RBM47: variants seen among roughly 807,000 people sequenced by gnomAD.
The protein encoded by RBM47 is RNA-binding protein 47.
RBM47 carries 21 observed loss-of-function variants against 47.1 expected under a neutral mutation model. That is an observed-to-expected ratio of 0.45 (90% CI 0.32 to 0.64). The LOEUF (loss-of-function observed/expected upper bound fraction) is 0.64, where lower values mean the gene tolerates loss of function less well. RBM47 is among the 30% of genes least tolerant of loss of function. RBM47 has a pLI of 0.05. For synonymous variants in RBM47, 375 were observed against 361.7 expected, an observed-to-expected ratio of 1.04 and a Z score of -0.42; for missense variants, 708 against 870.9, an observed-to-expected ratio of 0.81 and a Z score of 2.35.
intron 1 of RBM47, among the ~76,000 whole-genome samples, chr4:40,625,548 A>T (rs1737663611): frequency 6.6e-6 from 1 of 152,084 alleles, no homozygotes; most frequent in Admixed American, 6.6e-5. Flanking sequence ...GCTCACCCAC[A>T]TGTGGATTAT....
At position 40,459,359 on chromosome 4, in the gene RBM47, C is replaced by G. The variant is rs1260535787; in HGVS notation, c.-32+7218G>C. On this transcript the variant is annotated intron_variant, in intron 3 of 6. Transcript: ENST00000295971. ...AAAAAGAGTTTCCTTTTATAACTAACATCCACCAAATTGCTTTGGACATTT... is the reference window on the plus strand; with the variant it reads ...AAAAAGAGTTTCCTTTTATAACTAAGATCCACCAAATTGCTTTGGACATTT... Among the ~76,000 whole-genome samples, 3 of 152,166 alleles carry G rather than the reference C, an allele frequency of 2.0e-5. No individual in the cohort carries two copies. In the East Asian group the frequency reaches 5.8e-4, roughly 29 times the overall value.
chr4:40,570,190 T>A (rs1731575305), intron 1 of RBM47, among the ~76,000 whole-genome samples: 1 of 151,858 alleles, frequency 6.6e-6, no homozygotes, highest in Non-Finnish European at 1.5e-5. Flanking sequence ...GGAGAAGTGA[T>A]GGTTTGGGGA....
At chr4:40,505,032 T>C (rs2154251351) in intron 2 of RBM47, among the ~76,000 whole-genome samples, 1 of 152,324 alleles carries the variant, frequency 6.6e-6, no homozygotes, top group South Asian at 2.1e-4. Context: ...CTTTAAAAGA[T>C]GCTGGGCTAT....
chr4:40,428,199 A>C (rs1715346308), intron 6 of RBM47, among the ~76,000 whole-genome samples: 1 of 83,534 alleles, frequency 1.2e-5, no homozygotes, highest in Non-Finnish European at 3.2e-5. Context: ...GTCTCAAACA[A>C]AACAAAACAA....
At position 40,507,031 on chromosome 4, in the gene RBM47, G is replaced by A. The variant is rs1411440125; in HGVS notation, c.-155+37391C>T. ...GAGTGCAGTGGTGCGATCTTGGCTC[G>A]CTGCAACCTCCAGCTCCCGGGTTCA... On this transcript the variant is annotated intron_variant, in intron 2 of 6. Transcript: ENST00000295971. Among the ~76,000 whole-genome samples the A allele has an allele frequency of 3.3e-5, 5 of 152,044 alleles. No individual in the cohort carries two copies. In the East Asian group the frequency reaches 7.7e-4, roughly 23 times the overall value.
intron 2 of RBM47, among the ~76,000 whole-genome samples, chr4:40,510,435 G>A (rs1724773049): frequency 1.3e-5 from 2 of 152,080 alleles, no homozygotes; most frequent in Admixed American, 1.3e-4. Flanking sequence ...AAGAGCTAGA[G>A]ATACAGTAGC....
chr4:40,509,815 G>A (rs570778121), intron 2 of RBM47, among the ~76,000 whole-genome samples: 27 of 152,130 alleles, frequency 1.8e-4, no homozygotes, highest in African/African-American at 4.6e-4. Context: ...CCCGGGAGGC[G>A]GAGCTTGCAG....
At position 40,610,304 on chromosome 4, in the gene RBM47, T is replaced by A. The variant is rs1049391014; in HGVS notation, c.-240+19092A>T. On this transcript the variant is annotated intron_variant, in intron 1 of 6. Coordinates refer to ENST00000295971, the MANE Select transcript of RBM47 (RefSeq NM_001098634.2). ...AGTTTTCTTATGCAGATTCAATGAG[T>A]TCATCTTCGTAAAGTGTTTAGAACG... Among the ~76,000 whole-genome samples, 5 of 151,734 alleles carry A rather than the reference T, an allele frequency of 3.3e-5. No homozygotes were observed. In the East Asian group the frequency reaches 9.8e-4, roughly 30 times the overall value.
chr4:40,449,299 G>A (rs1228344877), intron 3 of RBM47, among the ~76,000 whole-genome samples: 3 of 152,096 alleles, frequency 2.0e-5, no homozygotes, highest in African/African-American at 7.2e-5. Flanking sequence ...CCTTTCTTTA[G>A]GTAAAATCCT....
chr4:40,594,035 G>A (rs913689083), intron 1 of RBM47, among the ~76,000 whole-genome samples: 6 of 152,002 alleles, frequency 3.9e-5, no homozygotes, highest in Non-Finnish European at 1.5e-5. Flanking sequence ...CTGGGAAACA[G>A]AGCAAGACCC....
At chr4:40,478,633 AAG>A (rs1276320814) in intron 2 of RBM47, among the ~76,000 whole-genome samples, 1 of 152,154 alleles carries the variant, frequency 6.6e-6, no homozygotes, top group African/African-American at 2.4e-5. Flanking sequence ...GCATCCTGGT[AAG>A]AGAGTTATTA....
At chr4:40,604,950 C>T (rs1735629356) in intron 1 of RBM47, among the ~76,000 whole-genome samples, 1 of 151,766 alleles carries the variant, frequency 6.6e-6, no homozygotes, top group South Asian at 2.1e-4. Flanking sequence ...CTCCTGACCT[C>T]GTGATCCACC....
intron 2 of RBM47, among the ~76,000 whole-genome samples, chr4:40,467,644 T>C (rs1240576936): frequency 6.6e-6 from 1 of 152,134 alleles, no homozygotes; most frequent in East Asian, 1.9e-4. Context: ...ATGAAAAATA[T>C]GATTTGGGGG....
intron 2 of RBM47, among the ~76,000 whole-genome samples, chr4:40,528,239 C>T (rs142107563): frequency 0.045 from 6,794 of 152,058 alleles, 178 homozygotes; most frequent in Middle Eastern, 0.12. Context: ...GGTGAAACAC[C>T]ATCTCTATTA....
intron 3 of RBM47, 30 bp from the exon 4 acceptor site, chr4:40,438,954 G>A (rs1713200119): frequency 2.1e-6 from 3 of 1,458,372 alleles, no homozygotes; most frequent in African/African-American, 1.4e-5. Context: ...CGTGAGTGGG[G>A]AACCGCTGGA....
chr4:40,584,068 G>A (rs1204264281), intron 1 of RBM47, among the ~76,000 whole-genome samples: 2 of 151,966 alleles, frequency 1.3e-5, no homozygotes, highest in Non-Finnish European at 2.9e-5. Flanking sequence ...AGGCTCAAGC[G>A]ATCCTCCTAC....
At chr4:40,614,839 A>G (rs1313998066) in intron 1 of RBM47, among the ~76,000 whole-genome samples, 1 of 151,978 alleles carries the variant, frequency 6.6e-6, no homozygotes, top group African/African-American at 2.4e-5. Flanking sequence ...TGTCACACAC[A>G]CATACACAAA....
intron 1 of RBM47, among the ~76,000 whole-genome samples, chr4:40,550,720 T>C (rs1426915363): frequency 6.6e-6 from 1 of 152,034 alleles, no homozygotes; most frequent in African/African-American, 2.4e-5. Context: ...CGCCTGGCCC[T>C]ATCATATGTA....
rs1373064387 is a variant in RBM47, at chr4:40,438,128, C to T, written c.766G>A (p.Glu256Lys). 15 of 1,613,262 alleles carry T rather than the reference C, an allele frequency of 9.3e-6. No individual in the cohort carries two copies. Among genetic ancestry groups the T allele is most frequent in the Non-Finnish European group, 1.2e-5 (14 of 1,180,022 alleles). Reference protein sequence around the residue: ...KILYVRNLMIETTEDTIKKSF... With the variant: ...KILYVRNLMIKTTEDTIKKSF... ...TTCTTGATGGTGTCCTCGGTGGTCTCGATCATGAGGTTGCGCACGTAGAGG... is the reference window on the plus strand; with the variant it reads ...TTCTTGATGGTGTCCTCGGTGGTCTTGATCATGAGGTTGCGCACGTAGAGG... The change falls in exon 4 of 7, where the codon GAG becomes AAG. Residue 256 changes from glutamate to lysine, a missense_variant. Physicochemically the swap from Glu to Lys is moderately conservative, Grantham distance 56. Coordinates refer to ENST00000295971, the MANE Select transcript of RBM47 (RefSeq NM_001098634.2).
Sources: allele counts gnomAD v4.1 joint callset (sites outside exome capture counted in the v4.1 genomes callset), GRCh38; gene constraint gnomAD v4.1.1; transcripts MANE v1.5; gene names NCBI Gene and HGNC (gene_info 2026-07-23, HGNC 2026-07-21).